PLXNB2: variants seen among roughly 807,000 people sequenced by gnomAD.
PLXNB2 encodes plexin B2.
In PLXNB2, 85 loss-of-function variants were observed where a neutral mutation model predicts 202.6. The ratio of observed to expected loss-of-function variants is 0.42; its 90% CI spans 0.35 to 0.50. The LOEUF is 0.50. Among genes scored for constraint, PLXNB2 ranks in the 20% least tolerant of loss-of-function variants. PLXNB2 has a pLI of 0.02. For missense variants in PLXNB2, 2,063 were observed against 2,586.2 expected (o/e 0.80, Z 4.39); for synonymous variants, 1,239 against 1,137.6 (o/e 1.09, Z -1.79).
chr22:50,284,960 C>G lies in PLXNB2; in HGVS notation c.2089-295G>C, dbSNP rs1288385952. 3 of 536,976 alleles carry G rather than the reference C, an allele frequency of 5.6e-6. No individual in the cohort carries two copies. The African/African-American group carries it at 5.7e-5, about 10-fold the overall frequency. The allele number at this position is 536,976 out of a possible 1,614,324, so 33.3% of individuals were successfully genotyped here. On this transcript the variant is annotated intron_variant, in intron 11 of 36. Coordinates refer to ENST00000359337, the MANE Select transcript of PLXNB2 (RefSeq NM_012401.4). This position sits in a 1 kb window ranked among gnomAD's most constrained non-coding sequence, Gnocchi z 8.0. ...CCTGACATCGTGGCCCCCACAGCTC[C>G]CTCCTCAGGAGGTGGCACTGGCCCC...
intron 2 of PLXNB2, 122 bp downstream of exon 2, chr22:50,294,597 G>T: frequency 4.2e-6 from 1 of 239,360 alleles, no homozygotes; most frequent in Non-Finnish European, 6.8e-6. Flanking sequence ...CAGAGTGACA[G>T]GTACGGTTGA....
At chr22:50,292,986 G>A (rs2066993881) in intron 2 of PLXNB2, among the ~76,000 whole-genome samples, 1 of 152,198 alleles carries the variant, frequency 6.6e-6, no homozygotes, top group Non-Finnish European at 1.5e-5. Flanking sequence ...GTGCCCACGA[G>A]CACAGCAGCC....
intron 1 of PLXNB2, among the ~76,000 whole-genome samples, chr22:50,306,616 G>T (rs1260635430): frequency 6.6e-6 from 1 of 152,156 alleles, no homozygotes; most frequent in African/African-American, 2.4e-5. Flanking sequence ...GGGAGGGCGG[G>T]GGGGTCCAGG....
intron 1 of PLXNB2, among the ~76,000 whole-genome samples, chr22:50,296,370 G>GGTGAGGAGGCTAAGGCAGAGTAGCTT (rs2067271505): frequency 2.0e-5 from 3 of 151,904 alleles, no homozygotes; most frequent in African/African-American, 7.3e-5. Flanking sequence ...TATGATTGTG[G>GGTGAGGAGGCTAAGGCAGAGTAGCTT]GCAACAGAGC....
intron 1 of PLXNB2, among the ~76,000 whole-genome samples, chr22:50,299,726 AC>A (rs961073528): frequency 2.6e-5 from 4 of 151,758 alleles, no homozygotes; most frequent in African/African-American, 9.7e-5. Flanking sequence ...CGAGGGCGAG[AC>A]CGGCGGCCCC....
chr22:50,283,806 G>A, intron 14 of PLXNB2, 27 bp downstream of exon 14: 2 of 1,611,912 alleles, frequency 1.2e-6, no homozygotes, highest in Non-Finnish European at 1.7e-6. Context: ...ACGAGGGAAG[G>A]TGTAGGCCAG....
chr22:50,276,528 C>A, intron 35 of PLXNB2, 101 bp downstream of exon 35: 1 of 1,046,504 alleles, frequency 9.6e-7, no homozygotes. Flanking sequence ...CTCTCTCCCC[C>A]TCAGCACCAC....
chr22:50,302,458 G>A (rs1049645917), intron 1 of PLXNB2, among the ~76,000 whole-genome samples: 1 of 152,196 alleles, frequency 6.6e-6, no homozygotes, highest in African/African-American at 2.4e-5. Context: ...TGGTGGAGCT[G>A]AGGACTTCAA....
At position 50,301,414 on chromosome 22, in the gene PLXNB2, C is replaced by CACAT. The variant is rs78180882; in HGVS notation, c.-74+6138_-74+6139insATGT. 5,091 of 984,500 alleles carry CACAT rather than the reference C, an allele frequency of 5.2e-3. 200 individuals carry two copies. In the African/African-American group the frequency reaches 0.083, roughly 16 times the overall value. The allele number at this position is 984,500 out of a possible 1,614,324, so 61.0% of individuals were successfully genotyped here. ...GGCACCGCCAGGCGCTCGGGGCACA[C>CACAT]GAGGCCGATGGCTACAGCAGGAACC... is the stretch of plus-strand genomic sequence containing the variant. On this transcript the variant is annotated intron_variant, in intron 1 of 36. Transcript: ENST00000359337.
At chr22:50,281,063 A>G (rs2065952522) in intron 23 of PLXNB2, 26 bp downstream of exon 23, 1 of 1,606,942 alleles carries the variant, frequency 6.2e-7, no homozygotes, top group Non-Finnish European at 8.5e-7. Context: ...GAGGCGCCCC[A>G]GCACCAGCCC....
Position 50,280,127 on chromosome 22 carries a change from A to G in PLXNB2, c.4176-56T>C, listed in dbSNP as rs1219934330. ...GACCCCGTAGTATTCCTGAGGCCCA[A>G]CTGACTCCTCCAAGCACCCGGCCAC... On this transcript the variant is annotated intron_variant, in intron 25 of 36. Transcript: ENST00000359337. The G allele has an allele frequency of 2.8e-6, 4 of 1,412,698 alleles. No individual in the cohort carries two copies. The East Asian group carries it at 6.9e-5, about 24-fold the overall frequency. 87.5% of individuals were successfully genotyped at this position (1,412,698 alleles called of 1,614,324 possible).
At chr22:50,286,150 G>A in intron 9 of PLXNB2, 23 bp downstream of exon 9, 1 of 1,610,114 alleles carries the variant, frequency 6.2e-7, no homozygotes, top group Non-Finnish European at 8.5e-7. Flanking sequence ...GCAGGGTGGG[G>A]TCGATGGGCA....
chr22:50,284,206 T>C lies in PLXNB2; in HGVS notation c.2189A>G (p.His730Arg). 6.2e-7 allele frequency: 1 copy of C among 1,612,586 alleles called. No homozygotes were observed. The highest frequency in any genetic ancestry group is 8.5e-7 in the Non-Finnish European group (1 of 1,179,656). ...CAGGGGCAGCGTCTCGTTGGCATCG[T>C]GGGACAGCTGGGGGACACGCAGGGG... is the stretch of plus-strand genomic sequence containing the variant. ...TFAFRTPKLS[H>R]DANETLPLHL... Residue 730 changes from histidine to arginine, a missense_variant, in exon 13 of 37, where the codon CAC becomes CGC. Coordinates refer to ENST00000359337, the MANE Select transcript of PLXNB2 (RefSeq NM_012401.4). The surrounding 1 kb of genome is among the most constrained non-coding windows in gnomAD (Gnocchi z 8.0).
rs1213595556 is a variant in PLXNB2 at position 50,283,439 on chromosome 22, C to G, written c.2577G>C (p.Val859=). The stretch of plus-strand genomic sequence containing the variant: ...GCGTCTCCGCAGCCTCGATCACACA[C>G]ACGATCCTGGCGGGCGACAGGCAGT... The part of the protein sequence containing the change: ...PERYSVSTRI[V]CVIEAAETPF... Residue 859 remains valine (V), a synonymous_variant, in exon 16 of 37, where the codon GTG becomes GTC. Transcript: ENST00000359337. 6.2e-7 allele frequency: 1 copy of G among 1,612,946 alleles called. No individual in the cohort carries two copies. The highest frequency in any genetic ancestry group is 8.5e-7 in the Non-Finnish European group (1 of 1,179,838).
At chr22:50,294,196 C>G (rs796883446) in intron 2 of PLXNB2, among the ~76,000 whole-genome samples, 1 of 152,272 alleles carries the variant, frequency 6.6e-6, no homozygotes, top group Non-Finnish European at 1.5e-5. Context: ...CTGGGACCCC[C>G]ACTTACGGGG....
chr22:50,275,406 G>A lies in PLXNB2; in HGVS notation c.*298C>T, dbSNP rs1044828394. The A allele has an allele frequency of 1.8e-5, 9 of 509,984 alleles. No individual in the cohort carries two copies. The highest frequency in any genetic ancestry group is 1.1e-4 in the Admixed American group (5 of 43,988). 31.6% of individuals were successfully genotyped at this position (509,984 alleles called of 1,614,324 possible). ...GAGGCGGAGGCCAGCTGCCCCCAGCGTGGCAGCGTAAGGCACATTTTCAAA... is the reference window on the plus strand; with the variant it reads ...GAGGCGGAGGCCAGCTGCCCCCAGCATGGCAGCGTAAGGCACATTTTCAAA... On this transcript the variant is annotated 3_prime_UTR_variant, in exon 37 of 37. Coordinates refer to ENST00000359337, the MANE Select transcript of PLXNB2 (RefSeq NM_012401.4).
At chr22:50,305,522 C>T (rs2067853744) in intron 1 of PLXNB2, among the ~76,000 whole-genome samples, 1 of 152,234 alleles carries the variant, frequency 6.6e-6, no homozygotes, top group Non-Finnish European at 1.5e-5. Flanking sequence ...GATGGGCTCA[C>T]AGGCGCCATA....
intron 1 of PLXNB2, among the ~76,000 whole-genome samples, chr22:50,304,596 G>T (rs548948287): frequency 1.3e-5 from 2 of 152,068 alleles, no homozygotes; most frequent in East Asian, 3.9e-4. Flanking sequence ...GAGGAACCTC[G>T]ACCAGAAAGA....
Position 50,277,613 on chromosome 22 carries a change from C to A in PLXNB2, c.5174G>T (p.Arg1725Leu). The change falls in exon 33 of 37, where the codon CGC (arginine) becomes CTC (leucine). Residue 1725 changes from arginine (R) to leucine (L), a missense_variant. By Grantham distance (102) the Arg-to-Leu change is moderately radical. Around this residue, in one of 2 missense-constraint regions of PLXNB2, gnomAD observed 760 missense variants for 1,109.4 expected, o/e 0.69. Transcript: ENST00000359337. The stretch of plus-strand genomic sequence containing the variant: ...CACGCGGCTCAGCTTATGCTCCGTG[C>A]GCGTGCAGGCATCCATGAAGGTCTG... ...IAQTFMDACT[R>L]TEHKLSRDSP... 6.3e-7 allele frequency: 1 copy of A among 1,594,498 alleles called. No homozygotes were observed. The highest frequency in any genetic ancestry group is 1.7e-5 in the Admixed American group (1 of 58,650).
Sources: gnomAD v4.1 joint callset for allele counts (sites outside exome capture counted in the v4.1 genomes callset) on GRCh38, gnomAD v4.1.1 for gene constraint, gnomAD v4.1.1 regional missense constraint, Gnocchi (gnomAD v3.1) non-coding constraint, MANE v1.5 for transcripts, NCBI Gene and HGNC (gene_info 2026-07-23, HGNC 2026-07-21) for gene names.